Variants in CRX observed in about 807,000 individuals in gnomAD.
The protein encoded by CRX is cone-rod homeobox, also known as cone-rod homeobox protein.
Under a neutral mutation model 13.1 loss-of-function variants are expected in CRX, and 5 were observed. The ratio of observed to expected loss-of-function variants is 0.38; its 90% confidence interval spans 0.20 to 0.80. The LOEUF (loss-of-function observed/expected upper bound fraction) is 0.80, where lower values mean the gene tolerates loss of function less well. Among genes scored for constraint, CRX ranks in the 30% least tolerant of loss-of-function variants. The pLI is 0.43. For missense variants in CRX, 351 were observed against 391.8 expected (o/e 0.90, Z 0.88); for synonymous variants, 179 against 171.1 (o/e 1.05, Z -0.36).
rs1265560935 is a variant in CRX at position 47,843,260 on chromosome 19, C to T, written c.*3293C>T. The T allele has an allele frequency of 6.6e-6, 1 of 152,316 alleles. No individual in the cohort carries two copies. The highest frequency in any genetic ancestry group is 1.5e-5 in the Non-Finnish European group (1 of 68,090). 9.4% of individuals were successfully genotyped at this position (152,316 alleles called of 1,614,324 possible). A position where few individuals can be genotyped will look rare whatever the true frequency, so the allele number is the denominator to read the frequency against. On this transcript the variant is annotated 3_prime_UTR_variant, in exon 4 of 4. Transcript: ENST00000221996. ...TATCTGTCCTCCTCTTCCCCACACA[C>T]TGGCCTCTGGGTCCCCCTTCTCTGT...
chr19:47,831,904 G>A lies in CRX; in HGVS notation c.-35-2505G>A, dbSNP rs988608011. ...ATTACAGGCGCCTGCCACCACGCCC[G>A]GATAATTTTTGTATTTTAGTTGAGA... On this transcript the variant is annotated intron_variant, in intron 1 of 3. Coordinates refer to ENST00000221996, the MANE Select transcript of CRX (RefSeq NM_000554.6). Among the ~76,000 whole-genome samples the A allele has an allele frequency of 4.0e-5, 6 of 151,260 alleles. No homozygotes were observed. The East Asian group carries it at 5.9e-4, about 15-fold the overall frequency.
rs201875881 is a variant in CRX, at chr19:47,839,904, C to G, written c.837C>G (p.Thr279=). The change falls in exon 4 of 4, where the codon ACC becomes ACG. Residue 279 remains threonine (T), a synonymous_variant. Coordinates refer to ENST00000221996, the MANE Select transcript of CRX (RefSeq NM_000554.6). This position sits in a 1 kb window ranked among gnomAD's most constrained non-coding sequence, Gnocchi z 4.6. ...FKDPTGTWKF[T]YNPMDPLDYK... ...ACCCCACGGGCACCTGGAAATTCAC[C>G]TACAATCCCATGGACCCTCTGGACT... 6.2e-7 allele frequency: 1 copy of G among 1,614,116 alleles called. No individual in the cohort carries two copies. Among genetic ancestry groups the G allele is most frequent in the Non-Finnish European group, 8.5e-7 (1 of 1,180,046 alleles).
In CRX at chr19:47,840,151, C is replaced by A; in HGVS notation, c.*184C>A. The A allele has an allele frequency of 1.5e-6, 1 of 659,912 alleles. No individual in the cohort carries two copies. Among genetic ancestry groups the A allele is most frequent in the Non-Finnish European group, 2.6e-6 (1 of 381,606 alleles). 40.9% of individuals were successfully genotyped at this position (659,912 alleles called of 1,614,324 possible). ...TTCCTCCACAGGGAGAGGCTCCTCC[C>A]TCTCCTGGGACAGCTCACAGGTCCT... On this transcript the variant is annotated 3_prime_UTR_variant, in exon 4 of 4. Coordinates refer to ENST00000221996, the MANE Select transcript of CRX (RefSeq NM_000554.6).
intron 3 of CRX, among the ~76,000 whole-genome samples, chr19:47,838,894 G>C (rs2123742330): frequency 6.6e-6 from 1 of 151,542 alleles, no homozygotes; most frequent in Non-Finnish European, 1.5e-5. Flanking sequence ...CATATAGATG[G>C]GTAAATGTAT....
At chr19:47,824,891 G>A (rs1967956316) in intron 1 of CRX, among the ~76,000 whole-genome samples, 1 of 149,350 alleles carries the variant, frequency 6.7e-6, no homozygotes, top group African/African-American at 2.5e-5. Flanking sequence ...GTGAGATCTT[G>A]TATATAAAGC....
chr19:47,827,107 T>G (rs1370877304), intron 1 of CRX, among the ~76,000 whole-genome samples: 3 of 152,302 alleles, frequency 2.0e-5, no homozygotes, highest in East Asian at 3.9e-4. Flanking sequence ...AGCTTGTTAG[T>G]AGGGACTACA....
At chr19:47,832,353 G>A (rs990374756) in intron 1 of CRX, among the ~76,000 whole-genome samples, 3 of 151,672 alleles carry the variant, frequency 2.0e-5, no homozygotes, top group Admixed American at 2.0e-4. Context: ...TGATCTGCCT[G>A]CCTTGGCCTC....
At position 47,839,144 on chromosome 19, in the gene CRX, A is replaced by G. The variant is rs1286252734; in HGVS notation, c.253-176A>G. Among the ~76,000 whole-genome samples, 1 of 152,034 alleles carries G rather than the reference A, an allele frequency of 6.6e-6. No homozygotes were observed. Among genetic ancestry groups the G allele is most frequent in the Non-Finnish European group, 1.5e-5 (1 of 67,982 alleles). ...CATGTGTTCATGCACACATGCAGGTATGATTGGATGGATAGATGGATGGAT... is the reference window on the plus strand; with the variant it reads ...CATGTGTTCATGCACACATGCAGGTGTGATTGGATGGATAGATGGATGGAT... On this transcript the variant is annotated intron_variant, in intron 3 of 3. Transcript: ENST00000221996. The surrounding 1 kb of genome is among the most constrained non-coding windows in gnomAD (Gnocchi z 4.6).
intron 1 of CRX, among the ~76,000 whole-genome samples, chr19:47,831,682 T>C (rs973001642): frequency 7.2e-5 from 11 of 152,184 alleles, no homozygotes; most frequent in Non-Finnish European, 1.3e-4. Flanking sequence ...GACTCCCAGA[T>C]GACTTGGAAA....
At chr19:47,834,159 G>A (rs1319569470) in intron 1 of CRX, among the ~76,000 whole-genome samples, 1 of 152,098 alleles carries the variant, frequency 6.6e-6, no homozygotes, top group Non-Finnish European at 1.5e-5. Flanking sequence ...GGTAGAGTAG[G>A]AATAAGAGCT....
intron 1 of CRX, among the ~76,000 whole-genome samples, chr19:47,830,143 G>A (rs1599975383): frequency 1.3e-5 from 2 of 151,082 alleles, no homozygotes; most frequent in Admixed American, 1.3e-4. Flanking sequence ...AATTAAATGG[G>A]AAAAAAAGAA....
At chr19:47,836,453 C>T in intron 3 of CRX, 59 bp downstream of exon 3, 1 of 1,607,640 alleles carries the variant, frequency 6.2e-7, no homozygotes, top group Non-Finnish European at 8.5e-7. Context: ...GGAGGCCTGC[C>T]CGGAACAAAG....
rs781102349 is a variant in CRX at position 47,834,433 on chromosome 19, C to T, written c.-11C>T. The T allele has an allele frequency of 3.1e-6, 5 of 1,609,402 alleles. No homozygotes were observed. In the South Asian group the frequency reaches 3.3e-5, roughly 11 times the overall value. On this transcript the variant is annotated 5_prime_UTR_variant, in exon 2 of 4. Coordinates refer to ENST00000221996, the MANE Select transcript of CRX (RefSeq NM_000554.6). ...GGCCCCCTGACTTGGGCCTCAGTGT[C>T]CCCGAAGATCATGATGGCGTATATG...
chr19:47,822,798 T>G (rs767529036), intron 1 of CRX, among the ~76,000 whole-genome samples: 1 of 152,132 alleles, frequency 6.6e-6, no homozygotes, highest in African/African-American at 2.4e-5. Flanking sequence ...CAAAGTTTTT[T>G]TTTGTTTGTT....
At chr19:47,833,810 C>G (rs1446696990) in intron 1 of CRX, among the ~76,000 whole-genome samples, 1 of 151,754 alleles carries the variant, frequency 6.6e-6, no homozygotes, top group African/African-American at 2.4e-5. Flanking sequence ...GGGTGTGTAA[C>G]AGGATCAGAT....
chr19:47,826,012 G>A (rs1344350261), intron 1 of CRX, among the ~76,000 whole-genome samples: 1 of 152,174 alleles, frequency 6.6e-6, no homozygotes, highest in Non-Finnish European at 1.5e-5. Context: ...GCTTAGCCAG[G>A]CAATCTGACT....
Position 47,837,956 on chromosome 19 carries a change from G to A in CRX, c.253-1364G>A, listed in dbSNP as rs150123394. On this transcript the variant is annotated intron_variant, in intron 3 of 3. Transcript: ENST00000221996. The stretch of plus-strand genomic sequence containing the variant: ...GGTGTATGTATGTATAATTGTATGC[G>A]TGTATGTTTGTATGCTGTAGGTATG... Among the ~76,000 whole-genome samples, 893 of 152,066 alleles carry A rather than the reference G, an allele frequency of 5.9e-3. 6 individuals carry two copies. The highest frequency in any genetic ancestry group is 0.02 in the African/African-American group (842 of 41,454).
intron 1 of CRX, among the ~76,000 whole-genome samples, chr19:47,826,823 T>G (rs1967979834): frequency 1.3e-5 from 2 of 152,238 alleles, no homozygotes; most frequent in Admixed American, 6.5e-5. Context: ...GTGGCTTAAC[T>G]GGATTATTCC....
In CRX at chr19:47,841,560, C is replaced by T. The variant is rs936177869; in HGVS notation, c.*1593C>T. The T allele has an allele frequency of 4.0e-5, 6 of 150,520 alleles. No individual in the cohort carries two copies. The highest frequency in any genetic ancestry group is 1.5e-4 in the African/African-American group (6 of 40,410). The allele number at this position is 150,520 out of a possible 1,614,324, so 9.3% of individuals were successfully genotyped here. On this transcript the variant is annotated 3_prime_UTR_variant, in exon 4 of 4. Coordinates refer to ENST00000221996, the MANE Select transcript of CRX (RefSeq NM_000554.6). ...CAGCCCTACATTTCAAACATACATT[C>T]CCTTTTTTAGATTTTTTTTTTTTTT...
Sources: allele counts gnomAD v4.1 joint callset (sites outside exome capture counted in the v4.1 genomes callset), GRCh38; gene constraint gnomAD v4.1.1; non-coding constraint Gnocchi (gnomAD v3.1); transcripts MANE v1.5; gene names NCBI Gene and HGNC (gene_info 2026-07-23, HGNC 2026-07-21).